PCDHA2: variants seen among roughly 807,000 people sequenced by gnomAD.
The protein encoded by PCDHA2 is protocadherin alpha 2.
Under a neutral mutation model 66.0 loss-of-function variants are expected in PCDHA2, and 58 were observed. That is an observed-to-expected ratio of 0.88 (90% CI 0.71 to 1.09). The LOEUF (loss-of-function observed/expected upper bound fraction) is 1.09, where lower values mean the gene tolerates loss of function less well. Among genes scored for constraint, PCDHA2 ranks in the 50% least tolerant of loss-of-function variants. PCDHA2 has a pLI of 0.00. For synonymous variants in PCDHA2, 634 were observed against 554.0 expected (o/e 1.14, Z -2.03); for missense variants, 1,267 against 1,242.3 (o/e 1.02, Z -0.30).
At chr5:141,002,684 G>C (rs1432098268) in intron 3 of PCDHA2, among the ~76,000 whole-genome samples, 2 of 152,180 alleles carry the variant, frequency 1.3e-5, no homozygotes, top group Non-Finnish European at 2.9e-5. Context: ...TATACGACGT[G>C]CAGATTTGTT....
chr5:140,796,481 G>A lies in PCDHA2; in HGVS notation c.1517G>A (p.Ser506Asn), dbSNP rs782023000. The change falls in exon 1 of 4, where the codon AGC (serine) becomes AAC (asparagine). Residue 506 changes from serine (S) to asparagine (N), a missense_variant. Ser to Asn is a conservative substitution (Grantham distance 46). Transcript: ENST00000526136. ...CGGGTGGGCGAGCGCGCGTTGTCGA[G>A]CTACGTTTCGGTGCACGCGGAGAGC... ...ERRVGERALS[S>N]YVSVHAESGK... The A allele has an allele frequency of 5.0e-6, 8 of 1,612,292 alleles. No individual in the cohort carries two copies. Among genetic ancestry groups the A allele is most frequent in the Non-Finnish European group, 8.5e-7 (1 of 1,179,838 alleles).
intron 1 of PCDHA2, chr5:140,869,389 T>G (rs949262123): frequency 1.9e-6 from 3 of 1,614,180 alleles, no homozygotes; most frequent in Admixed American, 3.3e-5. Flanking sequence ...CGAGGAGCTG[T>G]GCGGGCAGAG....
intron 1 of PCDHA2, chr5:140,875,516 T>C: frequency 6.2e-7 from 1 of 1,613,976 alleles, no homozygotes; most frequent in Non-Finnish European, 8.5e-7. Context: ...CAGCGTCTGC[T>C]GCTCTCGCTT....
chr5:140,883,109 T>A (rs782237873), intron 1 of PCDHA2: 1 of 1,613,962 alleles, frequency 6.2e-7, no homozygotes, highest in Non-Finnish European at 8.5e-7. Context: ...AGTTTACTCA[T>A]TTAGAAGGCC....
chr5:140,907,136 G>A (rs115442963), intron 1 of PCDHA2, among the ~76,000 whole-genome samples: 1,721 of 152,234 alleles, frequency 0.011, 29 homozygotes, highest in African/African-American at 0.038. Flanking sequence ...TGTGAATTCC[G>A]GCTATGGGAG....
chr5:140,888,712 A>G (rs567823119), intron 1 of PCDHA2, among the ~76,000 whole-genome samples: 34 of 152,168 alleles, frequency 2.2e-4, no homozygotes, highest in Non-Finnish European at 4.1e-4. Flanking sequence ...GGAATGTGAA[A>G]TATTTCCAGC....
At chr5:140,807,431 G>T (rs1554124008) in intron 1 of PCDHA2, 3 of 1,599,698 alleles carry the variant, frequency 1.9e-6, no homozygotes, top group Non-Finnish European at 2.6e-6. Context: ...TCTGCAGAAT[G>T]GCATTTTGTT....
chr5:140,843,595 G>A, intron 1 of PCDHA2: 1 of 1,596,100 alleles, frequency 6.3e-7, no homozygotes, highest in Admixed American at 1.7e-5. Flanking sequence ...CGCAGAGGGT[G>A]TGCTCTGGTG....
chr5:140,801,170 G>T, intron 1 of PCDHA2: 1 of 1,563,356 alleles, frequency 6.4e-7, no homozygotes, highest in Non-Finnish European at 8.6e-7. Context: ...CAATGTAAAG[G>T]CAATCTAATA....
intron 1 of PCDHA2, chr5:140,834,529 C>G: frequency 6.2e-7 from 1 of 1,614,054 alleles, no homozygotes; most frequent in Non-Finnish European, 8.5e-7. Context: ...GGCCGCATCG[C>G]GCAGGACCTG....
rs1321854589 is a variant in PCDHA2, at chr5:140,796,930, G to C, written c.1966G>C (p.Glu656Gln). Residue 656 changes from glutamate (E) to glutamine (Q), a missense_variant, in exon 1 of 4, where the codon GAA becomes CAA. By Grantham distance (29) the Glu-to-Gln change is conservative (BLOSUM62 2). Transcript: ENST00000526136. ...ACTCGTGCTGGTGAAGGACCACGGC[G>C]AACCAGCGTTGACAGCCACGGCCAC... The part of the protein sequence containing the change: ...RLLVLVKDHG[E>Q]PALTATATVL... 1.2e-6 allele frequency: 2 copies of C among 1,613,856 alleles called. No individual in the cohort carries two copies. The highest frequency in any genetic ancestry group is 1.7e-6 in the Non-Finnish European group (2 of 1,179,992).
At chr5:140,882,806 T>G in intron 1 of PCDHA2, 2 of 1,614,218 alleles carry the variant, frequency 1.2e-6, no homozygotes, top group Non-Finnish European at 1.7e-6. Flanking sequence ...TTATTTCACT[T>G]TGGACGCACA....
At chr5:140,851,412 A>G in intron 1 of PCDHA2, 2 of 962,264 alleles carry the variant, frequency 2.1e-6, no homozygotes, top group East Asian at 1.1e-4. Context: ...TAAGAAAGAA[A>G]CTTCCCCTAA....
chr5:140,908,861 T>C (rs1554193539), intron 1 of PCDHA2, among the ~76,000 whole-genome samples: 1 of 152,160 alleles, frequency 6.6e-6, no homozygotes, highest in Admixed American at 6.5e-5. Flanking sequence ...AAATGAGGAA[T>C]GTGTTGCCTC....
chr5:140,835,433 G>A lies in PCDHA2; in HGVS notation c.2388+38081G>A, dbSNP rs2150235637. 11 of 1,613,904 alleles carry A rather than the reference G, an allele frequency of 6.8e-6. 1 individual carries two copies. The South Asian group carries it at 1.2e-4, about 18-fold the overall frequency. ...ATGTAAATGACAATGCTCCACAGTTGACTCTCACTTCCCTGTCTCTCCCTA... is the reference window on the plus strand; with the variant it reads ...ATGTAAATGACAATGCTCCACAGTTAACTCTCACTTCCCTGTCTCTCCCTA... On this transcript the variant is annotated intron_variant, in intron 1 of 3. Coordinates refer to ENST00000526136, the MANE Select transcript of PCDHA2 (RefSeq NM_018905.3).
At chr5:140,983,463 C>T (rs1554245464) in intron 3 of PCDHA2, among the ~76,000 whole-genome samples, 1 of 152,208 alleles carries the variant, frequency 6.6e-6, no homozygotes, top group Non-Finnish European at 1.5e-5. Flanking sequence ...AATAGAACAT[C>T]ATGATGATAA....
intron 1 of PCDHA2, chr5:140,884,015 C>T: frequency 6.2e-7 from 1 of 1,613,158 alleles, no homozygotes. Flanking sequence ...GCTGATGCCG[C>T]GGTCGGTGGG....
rs189687890 is a variant in PCDHA2 at position 140,972,728 on chromosome 5, A to G, written c.2389-6221A>G. ...TGCCAGGCTGGAGTGCAGTGGCGTA[A>G]TCCCGGCTCACTGCAACCTCCGCCT... On this transcript the variant is annotated intron_variant, in intron 1 of 3. Transcript: ENST00000526136. Among the ~76,000 whole-genome samples the G allele has an allele frequency of 6.0e-3, 882 of 147,958 alleles. 8 individuals carry two copies. Among genetic ancestry groups the G allele is most frequent in the African/African-American group, 0.021 (847 of 39,742 alleles).
intron 1 of PCDHA2, among the ~76,000 whole-genome samples, chr5:140,971,297 T>C (rs1246980755): frequency 4.6e-5 from 7 of 152,222 alleles, no homozygotes; most frequent in Non-Finnish European, 1.0e-4. Context: ...TGTACTTTGG[T>C]ACACAAACAT....
Sources: allele counts gnomAD v4.1 joint callset (sites outside exome capture counted in the v4.1 genomes callset), GRCh38; gene constraint gnomAD v4.1.1; transcripts MANE v1.5; gene names NCBI Gene and HGNC (gene_info 2026-07-23, HGNC 2026-07-21).